SLC4A4: variants seen among roughly 807,000 people sequenced by gnomAD.
The protein encoded by SLC4A4 is electrogenic sodium bicarbonate cotransporter 1.
In SLC4A4, 27 loss-of-function variants were observed where a neutral mutation model predicts 111.5. The ratio of observed to expected loss-of-function variants is 0.24; its 90% CI spans 0.18 to 0.33. The LOEUF is 0.33. SLC4A4 is among the 10% of genes least tolerant of loss of function. The pLI is 1.00. For missense variants in SLC4A4, 909 were observed against 1,315.5 expected, an observed-to-expected ratio of 0.69 and a Z score of 4.78; for synonymous variants, 443 against 463.4, an observed-to-expected ratio of 0.96 and a Z score of 0.57.
At chr4:71,316,489 C>T (rs147693619) in intron 3 of SLC4A4, among the ~76,000 whole-genome samples, 294 of 152,042 alleles carry the variant, frequency 1.9e-3, no homozygotes, top group African/African-American at 5.7e-3. Flanking sequence ...TGGTACAGGC[C>T]GTTTTTTTAA....
chr4:71,474,953 C>T (rs1053750576), intron 14 of SLC4A4, among the ~76,000 whole-genome samples: 4 of 151,734 alleles, frequency 2.6e-5, no homozygotes, highest in Non-Finnish European at 5.9e-5. Context: ...ATATGGAGCT[C>T]TTCCTAGGAA....
rs1212111008 is a variant in SLC4A4 at position 71,570,575 on chromosome 4, T to A, written c.*2824T>A. On this transcript the variant is annotated 3_prime_UTR_variant, in exon 26 of 26. Coordinates refer to ENST00000264485, the MANE Select transcript of SLC4A4 (RefSeq NM_001098484.3). ...TGGACACAAATTACAACAGTAAATT[T>A]TTTTATAAGTGCTTCTCCCTTCTCC... 6.6e-6 allele frequency: 1 copy of A among 152,202 alleles called. No individual in the cohort carries two copies. Among genetic ancestry groups the A allele is most frequent in the East Asian group, 1.9e-4 (1 of 5,138 alleles). 9.4% of individuals were successfully genotyped at this position (152,202 alleles called of 1,614,324 possible). A position where few individuals can be genotyped will look rare whatever the true frequency, so the allele number is the denominator to read the frequency against.
intron 2 of SLC4A4, among the ~76,000 whole-genome samples, chr4:71,254,015 C>A (rs540624795): frequency 7.2e-5 from 11 of 152,110 alleles, no homozygotes; most frequent in African/African-American, 2.4e-4. Flanking sequence ...TTAGATATAC[C>A]CCGTAGGTTA....
chr4:71,322,430 C>A (rs1727187350), intron 3 of SLC4A4, among the ~76,000 whole-genome samples: 1 of 151,886 alleles, frequency 6.6e-6, no homozygotes, highest in Admixed American at 6.6e-5. Flanking sequence ...TAGTGTGGCG[C>A]TTGTGACAGT....
chr4:71,089,125 A>ACTTCT (rs1158649453), intron 1 of SLC4A4, among the ~76,000 whole-genome samples: 1 of 150,380 alleles, frequency 6.6e-6, no homozygotes, highest in African/African-American at 2.4e-5. Context: ...TTTTCTCTAA[A>ACTTCT]CTTCTCACTT....
intron 6 of SLC4A4, among the ~76,000 whole-genome samples, chr4:71,384,179 C>T (rs1718436398): frequency 6.6e-6 from 1 of 152,128 alleles, no homozygotes; most frequent in Admixed American, 6.5e-5. Context: ...ATCATTTGGA[C>T]CCTAGATGGC....
chr4:71,447,801 G>A (rs1725371436), intron 9 of SLC4A4, 68 bp downstream of exon 9: 1 of 995,112 alleles, frequency 1.0e-6, no homozygotes, highest in Non-Finnish European at 1.6e-6. Flanking sequence ...TGAATTGGCT[G>A]TCACAATTTA....
intron 4 of SLC4A4, among the ~76,000 whole-genome samples, chr4:71,348,882 A>G (rs2148901155): frequency 6.6e-6 from 1 of 152,222 alleles, no homozygotes; most frequent in South Asian, 2.1e-4. Flanking sequence ...CTAGGAAAAC[A>G]TTTTTCAATC....
intron 7 of SLC4A4, among the ~76,000 whole-genome samples, chr4:71,435,543 G>A (rs1271514169): frequency 6.6e-6 from 1 of 152,122 alleles, no homozygotes; most frequent in African/African-American, 2.4e-5. Flanking sequence ...GGCAACAAAA[G>A]CCAAAATTGA....
At chr4:71,074,804 G>T (rs930276667) in intron 1 of SLC4A4, among the ~76,000 whole-genome samples, 1 of 152,240 alleles carries the variant, frequency 6.6e-6, no homozygotes, top group Admixed American at 6.5e-5. Flanking sequence ...GGTGGCCTCA[G>T]TGTGGGAAAA....
intron 7 of SLC4A4, among the ~76,000 whole-genome samples, chr4:71,419,702 C>T (rs1722215801): frequency 6.6e-6 from 1 of 152,238 alleles, no homozygotes; most frequent in Non-Finnish European, 1.5e-5. Context: ...GCTGCACCTA[C>T]TGACCTGCAC....
chr4:71,306,748 G>A (rs1287758240), intron 3 of SLC4A4, among the ~76,000 whole-genome samples: 1 of 152,122 alleles, frequency 6.6e-6, no homozygotes, highest in African/African-American at 2.4e-5. Flanking sequence ...TCATTTATTA[G>A]AGTGCCACTT....
chr4:71,319,729 C>A (rs73826240), intron 3 of SLC4A4, among the ~76,000 whole-genome samples: 11,438 of 151,916 alleles, frequency 0.075, 782 homozygotes, highest in Admixed American at 0.21. Context: ...AATTTGATTC[C>A]TCCAGCCATG....
At chr4:71,132,400 G>T (rs1380340759) in intron 2 of SLC4A4, among the ~76,000 whole-genome samples, 4 of 152,160 alleles carry the variant, frequency 2.6e-5, no homozygotes, top group Non-Finnish European at 2.9e-5. Context: ...TTTGCCCAAA[G>T]CCTGTCTATT....
At chr4:71,086,049 T>C (rs1742157785) in intron 1 of SLC4A4, among the ~76,000 whole-genome samples, 1 of 151,990 alleles carries the variant, frequency 6.6e-6, no homozygotes, top group Non-Finnish European at 1.5e-5. Flanking sequence ...TAGAATGTTC[T>C]TCCATTTGTT....
At chr4:71,556,761 A>G (rs116332231) in intron 21 of SLC4A4, among the ~76,000 whole-genome samples, 2 of 152,124 alleles carry the variant, frequency 1.3e-5, no homozygotes, top group African/African-American at 2.4e-5. Flanking sequence ...AAATAGTTCT[A>G]GAGGGAAAAA....
chr4:71,393,599 C>T (rs866741117), intron 6 of SLC4A4, among the ~76,000 whole-genome samples: 6 of 151,876 alleles, frequency 4.0e-5, no homozygotes, highest in Non-Finnish European at 8.8e-5. Flanking sequence ...CAAAAGCAAT[C>T]TACAAATTTA....
At chr4:71,135,209 A>G (rs543167843) in intron 2 of SLC4A4, among the ~76,000 whole-genome samples, 4 of 152,018 alleles carry the variant, frequency 2.6e-5, no homozygotes, top group Non-Finnish European at 5.9e-5. Context: ...GATGTTTTGA[A>G]CTGTATATAG....
intron 23 of SLC4A4, among the ~76,000 whole-genome samples, chr4:71,562,109 T>G (rs912153228): frequency 6.6e-6 from 1 of 151,848 alleles, no homozygotes. Context: ...TAAAGTGTTT[T>G]TTTGTATTAA....
Sources: allele counts gnomAD v4.1 joint callset (sites outside exome capture counted in the v4.1 genomes callset), GRCh38; gene constraint gnomAD v4.1.1; transcripts MANE v1.5; gene names NCBI Gene and HGNC (gene_info 2026-07-23, HGNC 2026-07-21).